Variants in PLEKHH1 observed in about 807,000 individuals in gnomAD.
The protein encoded by PLEKHH1 is pleckstrin homology, MyTH4 and FERM domain containing H1, also known as pleckstrin homology domain-containing family H member 1.
PLEKHH1 carries 104 observed loss-of-function variants against 160.0 expected under a neutral mutation model. The ratio of observed to expected loss-of-function variants is 0.65; its 90% CI spans 0.55 to 0.76. The LOEUF is 0.76. PLEKHH1 is among the 30% of genes least tolerant of loss of function. The pLI, the probability that PLEKHH1 is intolerant of heterozygous loss-of-function variation, is 0.00. For missense variants in PLEKHH1, 1,427 were observed against 1,724.1 expected, an observed-to-expected ratio of 0.83 and a Z score of 3.05; for synonymous variants, 619 against 678.4, an observed-to-expected ratio of 0.91 and a Z score of 1.36.
rs1484027071 is a variant in PLEKHH1 at position 67,569,949 on chromosome 14, T to C, written c.1371T>C (p.Pro457=). 4 of 1,610,038 alleles carry C rather than the reference T, an allele frequency of 2.5e-6. No homozygotes were observed. Among genetic ancestry groups the C allele is most frequent in the South Asian group, 1.1e-5 (1 of 90,088 alleles). Residue 457 remains proline, a synonymous_variant, in exon 9 of 29, where the codon CCT becomes CCC. Transcript: ENST00000329153. ...CAAGCCCTCCTGCCCTTGTTTCCCC[T>C]GGGTCTTTCTCTGGCCTGGTCTACA... ...CASSPPALVS[P]GSFSGLVYKN...
chr14:67,568,672 C>G (rs1366846887), intron 7 of PLEKHH1, among the ~76,000 whole-genome samples: 1 of 152,304 alleles, frequency 6.6e-6, no homozygotes, highest in East Asian at 1.9e-4. Context: ...TTCCAAACAA[C>G]TGGCTTACAA....
intron 22 of PLEKHH1, 140 bp from the exon 23 acceptor site, chr14:67,580,798 C>T (rs2140524684): frequency 3.3e-6 from 2 of 602,690 alleles, no homozygotes; most frequent in Admixed American, 2.9e-5. Flanking sequence ...AAGCATGAAG[C>T]TCCGCAGGTC....
At chr14:67,585,719 C>T in intron 27 of PLEKHH1, 65 bp downstream of exon 27, 1 of 1,261,826 alleles carries the variant, frequency 7.9e-7, no homozygotes, top group Non-Finnish European at 1.1e-6. Context: ...TTCTTCTCCT[C>T]TGTGGACTCA....
At chr14:67,548,731 C>T (rs867005063) in intron 2 of PLEKHH1, among the ~76,000 whole-genome samples, 8 of 152,290 alleles carry the variant, frequency 5.3e-5, no homozygotes, top group Admixed American at 2.6e-4. Flanking sequence ...TGTGACAAAA[C>T]ATTATTCTTT....
chr14:67,539,811 T>C (rs1020001179), intron 1 of PLEKHH1, among the ~76,000 whole-genome samples: 2 of 152,220 alleles, frequency 1.3e-5, no homozygotes, highest in Non-Finnish European at 2.9e-5. Flanking sequence ...AGTGTCCTCA[T>C]GTGTGTGTGG....
Position 67,582,347 on chromosome 14 carries a change from A to G in PLEKHH1, c.3426+137A>G. The G allele has an allele frequency of 2.7e-6, 4 of 1,459,904 alleles. No homozygotes were observed. Among genetic ancestry groups the G allele is most frequent in the Non-Finnish European group, 3.7e-6 (4 of 1,072,274 alleles). The allele number at this position is 1,459,904 out of a possible 1,614,324, so 90.4% of individuals were successfully genotyped here. ...GCAGCTTTGCCATCTCTGGGATGGA[A>G]AGCAGCTGACTTCTACAGATCAGAG... is the stretch of plus-strand genomic sequence containing the variant. On this transcript the variant is annotated intron_variant, in intron 24 of 28. Coordinates refer to ENST00000329153, the MANE Select transcript of PLEKHH1 (RefSeq NM_020715.3). The surrounding 1 kb of genome is among the most constrained non-coding windows in gnomAD (Gnocchi z 5.0).
intron 28 of PLEKHH1, 66 bp from the exon 29 acceptor site, chr14:67,587,008 A>G: frequency 1.3e-6 from 2 of 1,527,648 alleles, no homozygotes; most frequent in Non-Finnish European, 8.9e-7. Context: ...AAGAGCTAAT[A>G]AGTAAGAAAG....
rs777051032 is a variant in PLEKHH1 at position 67,575,815 on chromosome 14, GT to G, written c.2170-7del. 2.8e-5 allele frequency: 45 copies of G among 1,610,762 alleles called. No individual in the cohort carries two copies. Among genetic ancestry groups the G allele is most frequent in the Non-Finnish European group, 3.7e-5 (43 of 1,177,926 alleles). ...GCTCTCCCATTCATGGAAGACTGCT[GT>G]CCACAGCGACCCCTGGGCTGCCTGC... On this transcript the variant is annotated splice_region_variant and splice_polypyrimidine_tract_variant and intron_variant, in intron 15 of 28. Transcript: ENST00000329153.
rs2033538345 is a variant in PLEKHH1, at chr14:67,533,395, G to C, written c.-38G>C. On this transcript the variant is annotated 5_prime_UTR_variant, in exon 1 of 29. Coordinates refer to ENST00000329153, the MANE Select transcript of PLEKHH1 (RefSeq NM_020715.3). ...CGGCGGGGACGGCCGCGAGCTCGCTGGAGGTGAGCGACCCGCGCTCCCGCC... is the reference window on the plus strand; with the variant it reads ...CGGCGGGGACGGCCGCGAGCTCGCTCGAGGTGAGCGACCCGCGCTCCCGCC... 1 of 151,680 alleles carries C rather than the reference G, an allele frequency of 6.6e-6. No homozygotes were observed. The highest frequency in any genetic ancestry group is 1.5e-5 in the Non-Finnish European group (1 of 67,902). The allele number at this position is 151,680 out of a possible 1,614,324, so 9.4% of individuals were successfully genotyped here.
chr14:67,541,800 T>A, intron 1 of PLEKHH1, 34 bp from the exon 2 acceptor site: 1 of 1,422,390 alleles, frequency 7.0e-7, no homozygotes, highest in Non-Finnish European at 9.4e-7. Context: ...ACACGCTTAT[T>A]TATCTTTTCC....
At chr14:67,586,482 T>C (rs768975039) in intron 28 of PLEKHH1, 19 of 1,130,962 alleles carry the variant, frequency 1.7e-5, no homozygotes, top group Non-Finnish European at 2.3e-5. Context: ...CCCTGGGTTC[T>C]GCTGACCCAA....
intron 2 of PLEKHH1, among the ~76,000 whole-genome samples, chr14:67,552,734 T>C (rs2034444817): frequency 6.7e-6 from 1 of 148,660 alleles, no homozygotes; most frequent in Non-Finnish European, 1.5e-5. Flanking sequence ...ACCACTGCAC[T>C]CCAGCCTGGG....
Position 67,576,199 on chromosome 14 carries a change from A to T in PLEKHH1, c.2352+194A>T, listed in dbSNP as rs2035615710. Among the ~76,000 whole-genome samples the T allele has an allele frequency of 6.6e-6, 1 of 152,248 alleles. No homozygotes were observed. The highest frequency in any genetic ancestry group is 2.4e-5 in the African/African-American group (1 of 41,472). On this transcript the variant is annotated intron_variant, in intron 16 of 28. Coordinates refer to ENST00000329153, the MANE Select transcript of PLEKHH1 (RefSeq NM_020715.3). This position sits in a 1 kb window ranked among gnomAD's most constrained non-coding sequence, Gnocchi z 4.0. ...TGACCAACATTGCTTCACTGAGGTC[A>T]TGTAATAGAATCGCAAATTTGGAAA...
rs570424905 is a variant in PLEKHH1, at chr14:67,547,133, G to T, written c.126+5140G>T. On this transcript the variant is annotated intron_variant, in intron 2 of 28. Coordinates refer to ENST00000329153, the MANE Select transcript of PLEKHH1 (RefSeq NM_020715.3). ...ATGTCTTCACATGGAAATGTTAGGGGTGCATAGTGTGATGAGTCAAGAAAG... is the reference window on the plus strand; with the variant it reads ...ATGTCTTCACATGGAAATGTTAGGGTTGCATAGTGTGATGAGTCAAGAAAG... Among the ~76,000 whole-genome samples, 3 of 152,262 alleles carry T rather than the reference G, an allele frequency of 2.0e-5. No individual in the cohort carries two copies. The East Asian group carries it at 5.8e-4, about 29-fold the overall frequency.
intron 7 of PLEKHH1, among the ~76,000 whole-genome samples, chr14:67,567,310 A>C (rs921009966): frequency 1.3e-5 from 2 of 152,160 alleles, no homozygotes; most frequent in African/African-American, 2.4e-5. Flanking sequence ...TATGTATCTT[A>C]GAGTTTGGAA....
intron 7 of PLEKHH1, among the ~76,000 whole-genome samples, chr14:67,563,447 T>C (rs1316397702): frequency 6.7e-6 from 1 of 148,624 alleles, no homozygotes; most frequent in African/African-American, 2.5e-5. Context: ...GGGGTGGGGG[T>C]GAGGGGGCAG....
intron 1 of PLEKHH1, among the ~76,000 whole-genome samples, chr14:67,535,881 A>G (rs942198040): frequency 6.6e-6 from 1 of 152,244 alleles, no homozygotes; most frequent in Non-Finnish European, 1.5e-5. Context: ...AAATGGTTAA[A>G]TGACGGTTTC....
chr14:67,587,224 A>T lies in PLEKHH1; in HGVS notation c.4084A>T (p.Thr1362Ser), dbSNP rs757800146. 2 of 1,613,780 alleles carry T rather than the reference A, an allele frequency of 1.2e-6. 1 individual carries two copies. Among genetic ancestry groups the T allele is most frequent in the South Asian group, 2.2e-5 (2 of 91,072 alleles). ...SSVSCATKGP[T>S]LL The stretch of plus-strand genomic sequence containing the variant: ...TGTTTCCTGTGCTACCAAGGGGCCA[A>T]CGTTGCTGTGAATATTTCTCCTACC... Residue 1362 changes from threonine to serine, a missense_variant, in exon 29 of 29, where the codon ACG becomes TCG. By Grantham distance (58) the Thr-to-Ser change is moderately conservative. Coordinates refer to ENST00000329153, the MANE Select transcript of PLEKHH1 (RefSeq NM_020715.3).
At chr14:67,536,472 T>C (rs6573777) in intron 1 of PLEKHH1, among the ~76,000 whole-genome samples, 139,187 of 151,680 alleles carry the variant, frequency 0.92, 64,207 homozygotes, top group Non-Finnish European at 0.96. Flanking sequence ...ACTGAGGCAA[T>C]ATGAGAGAGC....
Sources: allele counts gnomAD v4.1 joint callset (sites outside exome capture counted in the v4.1 genomes callset), GRCh38; gene constraint gnomAD v4.1.1; non-coding constraint Gnocchi (gnomAD v3.1); transcripts MANE v1.5; gene names NCBI Gene and HGNC (gene_info 2026-07-23, HGNC 2026-07-21).